SGMS2: variants seen among roughly 807,000 people sequenced by gnomAD.
The protein encoded by SGMS2 is phosphatidylcholine:ceramide cholinephosphotransferase 2.
In SGMS2, 21 loss-of-function variants were observed where a neutral mutation model predicts 43.8. That is an observed-to-expected ratio of 0.48 (90% CI 0.34 to 0.69). The LOEUF (loss-of-function observed/expected upper bound fraction) is 0.69, where lower values mean the gene tolerates loss of function less well. Ranked by LOEUF, SGMS2 falls within the 30% of genes least tolerant of loss-of-function variation. SGMS2 has a pLI of 0.01. For missense variants in SGMS2, 384 were observed against 443.2 expected (o/e 0.87, Z 1.20); for synonymous variants, 167 against 160.6 (o/e 1.04, Z -0.30).
chr4:107,907,262 C>G (rs13110556), intron 5 of SGMS2: 4,907 of 152,290 alleles, frequency 0.032, 109 homozygotes, highest in African/African-American at 0.052. Flanking sequence ...AGAGCAACGG[C>G]TAGTTTTACC....
intron 2 of SGMS2, among the ~76,000 whole-genome samples, chr4:107,865,655 C>A (rs1324772809): frequency 6.6e-6 from 1 of 152,170 alleles, no homozygotes; most frequent in African/African-American, 2.4e-5. Flanking sequence ...TTAACTATCT[C>A]TTGTTCTAGG....
chr4:107,879,147 C>T (rs1333137060), intron 2 of SGMS2, among the ~76,000 whole-genome samples: 1 of 147,588 alleles, frequency 6.8e-6, no homozygotes, highest in Non-Finnish European at 1.5e-5. Flanking sequence ...ACCGATTTTC[C>T]CCCTTTTAAT....
intron 2 of SGMS2, among the ~76,000 whole-genome samples, chr4:107,871,942 A>G (rs1411114827): frequency 6.6e-6 from 1 of 152,122 alleles, no homozygotes; most frequent in East Asian, 1.9e-4. Flanking sequence ...ACTTATTTTA[A>G]AAAAACAGCA....
At chr4:107,840,742 A>G (rs1379191722) in intron 1 of SGMS2, among the ~76,000 whole-genome samples, 1 of 152,212 alleles carries the variant, frequency 6.6e-6, no homozygotes, top group East Asian at 1.9e-4. Flanking sequence ...ATCCTGGAGA[A>G]ATTTTTGGGC....
intron 2 of SGMS2, among the ~76,000 whole-genome samples, chr4:107,874,838 T>C (rs1468459168): frequency 6.6e-6 from 1 of 152,184 alleles, no homozygotes; most frequent in Non-Finnish European, 1.5e-5. Flanking sequence ...TCTCTTCGTG[T>C]CTCTACCTCA....
Position 107,913,117 on chromosome 4 carries a change from A to T in SGMS2, c.*2564A>T, listed in dbSNP as rs1578684950. The T allele has an allele frequency of 6.6e-6, 1 of 152,298 alleles. No homozygotes were observed. The highest frequency in any genetic ancestry group is 2.4e-5 in the African/African-American group (1 of 41,572). The allele number at this position is 152,298 out of a possible 1,614,324, so 9.4% of individuals were successfully genotyped here. ...ATGTTTGGGGTACCTGTTCTTTGCC[A>T]GTTAAGATACATATCTTATTATCTT... On this transcript the variant is annotated 3_prime_UTR_variant, in exon 7 of 7. Transcript: ENST00000690982.
chr4:107,835,041 GA>G (rs1219093386), intron 1 of SGMS2, among the ~76,000 whole-genome samples: 1 of 151,904 alleles, frequency 6.6e-6, no homozygotes, highest in Non-Finnish European at 1.5e-5. Context: ...AAAATAAAAT[GA>G]ATAAGAATTA....
chr4:107,868,659 A>G (rs1728318682), intron 2 of SGMS2, among the ~76,000 whole-genome samples: 1 of 152,074 alleles, frequency 6.6e-6, no homozygotes, highest in Non-Finnish European at 1.5e-5. Flanking sequence ...AGGAGGTTGC[A>G]GTGAGCCGAG....
chr4:107,847,397 C>T (rs988388700), intron 1 of SGMS2, among the ~76,000 whole-genome samples: 2 of 152,160 alleles, frequency 1.3e-5, no homozygotes, highest in African/African-American at 4.8e-5. Context: ...TTGTTTTTCT[C>T]AGGTTTGTCA....
At chr4:107,890,628 T>TCA (rs1730123909) in intron 2 of SGMS2, among the ~76,000 whole-genome samples, 1 of 131,924 alleles carries the variant, frequency 7.6e-6, no homozygotes, top group Non-Finnish European at 1.5e-5. Context: ...TGAGCCAAGA[T>TCA]CACACGACTG....
Position 107,884,686 on chromosome 4 carries a change from G to A in SGMS2, c.-244-10624G>A, listed in dbSNP as rs146135909. Among the ~76,000 whole-genome samples, 560 of 152,182 alleles carry A rather than the reference G, an allele frequency of 3.7e-3. 4 individuals carry two copies. The highest frequency in any genetic ancestry group is 0.013 in the African/African-American group (528 of 41,526). ...ATCAGAAACCCAAAAGAATGCAACC[G>A]TTTATCTCTTATCTACCTATGACCT... On this transcript the variant is annotated intron_variant, in intron 2 of 6. Coordinates refer to ENST00000690982, the MANE Select transcript of SGMS2 (RefSeq NM_001375905.1).
chr4:107,913,927 T>A lies in SGMS2; in HGVS notation c.*3374T>A, dbSNP rs948705485. 6.6e-6 allele frequency: 1 copy of A among 152,192 alleles called. No homozygotes were observed. Among genetic ancestry groups the A allele is most frequent in the Non-Finnish European group, 1.5e-5 (1 of 68,014 alleles). The allele number at this position is 152,192 out of a possible 1,614,324, so 9.4% of individuals were successfully genotyped here. A position where few individuals can be genotyped will look rare whatever the true frequency, so the allele number is the denominator to read the frequency against. On this transcript the variant is annotated 3_prime_UTR_variant, in exon 7 of 7. Transcript: ENST00000690982. ...ATTCTTTTTTGTTTTTGTTTTGCACTGTAAAACTGATGAAAACTTTAAGCC... is the reference window on the plus strand; with the variant it reads ...ATTCTTTTTTGTTTTTGTTTTGCACAGTAAAACTGATGAAAACTTTAAGCC...
chr4:107,894,577 C>T (rs1730504897), intron 2 of SGMS2: 1 of 152,074 alleles, frequency 6.6e-6, no homozygotes, highest in Non-Finnish European at 1.5e-5. Context: ...ATTTATCATG[C>T]CAATTGTAGT....
chr4:107,893,598 TCTTTCTCATCCTG>T (rs1730422954), intron 2 of SGMS2: 1 of 152,320 alleles, frequency 6.6e-6, no homozygotes. Context: ...AAGGCCTGGG[TCTTTCTCATCCTG>T]CTGTAATGTA....
intron 5 of SGMS2, among the ~76,000 whole-genome samples, chr4:107,906,285 G>A (rs1366848480): frequency 1.3e-5 from 2 of 152,138 alleles, no homozygotes; most frequent in Non-Finnish European, 2.9e-5. Flanking sequence ...TTAGTTGTGA[G>A]AGCACATGAA....
chr4:107,831,811 A>T (rs2125986220), intron 1 of SGMS2, among the ~76,000 whole-genome samples: 1 of 152,330 alleles, frequency 6.6e-6, no homozygotes, highest in East Asian at 1.9e-4. Context: ...GAATTCAAGA[A>T]CTTTCATAAG....
chr4:107,839,414 T>G (rs988121216), intron 1 of SGMS2, among the ~76,000 whole-genome samples: 6 of 152,080 alleles, frequency 3.9e-5, no homozygotes, highest in Admixed American at 3.9e-4. Flanking sequence ...TCTATCAGTT[T>G]GTTTTCCACT....
Position 107,895,612 on chromosome 4 carries a change from C to G in SGMS2, c.59C>G (p.Pro20Arg). ...CATTTGGAAAATCAACCCAGTGATC[C>G]TACGAACACTTATGCAAGACCCGCT... ...EEHLENQPSDPTNTYARPAEP... is the reference protein window; with the variant it reads ...EEHLENQPSDRTNTYARPAEP... The change falls in exon 3 of 7, where the codon CCT becomes CGT. Residue 20 changes from proline (P) to arginine (R), a missense_variant. Coordinates refer to ENST00000690982, the MANE Select transcript of SGMS2 (RefSeq NM_001375905.1). 6.2e-7 allele frequency: 1 copy of G among 1,613,916 alleles called. No individual in the cohort carries two copies. The highest frequency in any genetic ancestry group is 8.5e-7 in the Non-Finnish European group (1 of 1,179,912).
intron 2 of SGMS2, among the ~76,000 whole-genome samples, chr4:107,882,343 G>C (rs888633714): frequency 4.6e-5 from 7 of 152,102 alleles, no homozygotes; most frequent in African/African-American, 1.7e-4. Flanking sequence ...GTTTTGATTT[G>C]TATTTCTGTG....
Sources: allele counts gnomAD v4.1 joint callset (sites outside exome capture counted in the v4.1 genomes callset), GRCh38; gene constraint gnomAD v4.1.1; transcripts MANE v1.5; gene names NCBI Gene and HGNC (gene_info 2026-07-23, HGNC 2026-07-21).